ERBIN: variants seen among roughly 807,000 people sequenced by gnomAD.
ERBIN encodes the protein densin-180-like protein.
A neutral mutation model predicts 158.4 loss-of-function variants in ERBIN; 60 were observed. The ratio of observed to expected loss-of-function variants is 0.38; its 90% CI spans 0.31 to 0.47. The LOEUF is 0.47. ERBIN is among the 20% of genes least tolerant of loss of function. The probability of loss-of-function intolerance (pLI) is 0.99; values close to 1 mark genes in which losing one functional copy is unlikely to be tolerated. For synonymous variants in ERBIN, 594 were observed against 557.2 expected, an observed-to-expected ratio of 1.07 and a Z score of -0.93; for missense variants, 1,610 against 1,648.0, an observed-to-expected ratio of 0.98 and a Z score of 0.40.
In ERBIN at chr5:66,038,399, C is replaced by G; in HGVS notation, c.1223C>G (p.Pro408Arg). 6.2e-7 allele frequency: 1 copy of G among 1,611,126 alleles called. No homozygotes were observed. The highest frequency in any genetic ancestry group is 8.5e-7 in the Non-Finnish European group (1 of 1,178,110). The change falls in exon 15 of 26, where the codon CCT becomes CGT. Residue 408 changes from proline to arginine, a missense_variant. Physicochemically the swap from Pro to Arg is moderately radical, Grantham distance 103. Transcript: ENST00000284037. ...CTTCTCTAGTCCAAACCCCTGATAC[C>G]TCTTCAAAAAGAAACTGATTCAGAG... is the stretch of plus-strand genomic sequence containing the variant. The part of the protein sequence containing the change: ...LSDNQSKPLI[P>R]LQKETDSETQ...
intron 1 of ERBIN, among the ~76,000 whole-genome samples, chr5:65,930,705 A>G (rs116271868): frequency 0.021 from 3,212 of 152,224 alleles, 118 homozygotes; most frequent in African/African-American, 0.072. Flanking sequence ...ATTTATTCTT[A>G]TGTATTAAGA....
At chr5:65,998,430 A>C (rs1345910501) in intron 4 of ERBIN, among the ~76,000 whole-genome samples, 1 of 151,820 alleles carries the variant, frequency 6.6e-6, no homozygotes, top group Non-Finnish European at 1.5e-5. Flanking sequence ...ACTGACGTTC[A>C]GTTCACAATA....
At chr5:66,031,201 C>T (rs990331338) in intron 14 of ERBIN, among the ~76,000 whole-genome samples, 3 of 152,104 alleles carry the variant, frequency 2.0e-5, no homozygotes, top group African/African-American at 4.8e-5. Context: ...GTAAATTGTT[C>T]TACTATTTAA....
intron 1 of ERBIN, among the ~76,000 whole-genome samples, chr5:65,965,382 G>GTTGTTTTTTTTTTT (rs1748463429): frequency 1.0e-5 from 1 of 96,072 alleles, no homozygotes; most frequent in Non-Finnish European, 2.1e-5. Flanking sequence ...GTTTTTTGTT[G>GTTGTTTTTTTTTTT]TTTTTTTTTT....
In ERBIN at chr5:66,048,653, C is replaced by A; in HGVS notation, c.1789-14C>A. On this transcript the variant is annotated splice_polypyrimidine_tract_variant and intron_variant, in intron 18 of 25. Transcript: ENST00000284037. The stretch of plus-strand genomic sequence containing the variant: ...AAAATTTAATTTTTATCCCCCTCAC[C>A]CCCTTTTCACTAGGAATCTGAAGAA... The A allele has an allele frequency of 6.6e-7, 1 of 1,524,662 alleles. No individual in the cohort carries two copies. Among genetic ancestry groups the A allele is most frequent in the Non-Finnish European group, 9.0e-7 (1 of 1,106,070 alleles). 94.4% of individuals were successfully genotyped at this position (1,524,662 alleles called of 1,614,324 possible). A position where few individuals can be genotyped will look rare whatever the true frequency, so the allele number is the denominator to read the frequency against.
At chr5:66,045,446 T>C (rs1758338622) in intron 17 of ERBIN, among the ~76,000 whole-genome samples, 1 of 146,192 alleles carries the variant, frequency 6.8e-6, no homozygotes, top group South Asian at 2.1e-4. Context: ...TATGTATATG[T>C]ATGTATATAC....
intron 10 of ERBIN, among the ~76,000 whole-genome samples, chr5:66,024,823 C>A (rs1453226249): frequency 6.6e-6 from 1 of 151,970 alleles, no homozygotes; most frequent in Non-Finnish European, 1.5e-5. Flanking sequence ...CATGAGAGAT[C>A]TATGATTGAG....
intron 21 of ERBIN, among the ~76,000 whole-genome samples, chr5:66,057,433 T>C (rs1580490900): frequency 6.6e-6 from 1 of 152,326 alleles, no homozygotes; most frequent in East Asian, 1.9e-4. Flanking sequence ...AGTTATTTTT[T>C]TAAAACAGCA....
chr5:66,005,073 TTA>T (rs1355759603), intron 4 of ERBIN, among the ~76,000 whole-genome samples: 3 of 151,654 alleles, frequency 2.0e-5, no homozygotes, highest in Non-Finnish European at 4.4e-5. Flanking sequence ...GTGTTTAAGT[TTA>T]ATCTGTCTAT....
chr5:66,052,445 T>A (rs936273317), intron 20 of ERBIN, among the ~76,000 whole-genome samples: 4 of 152,204 alleles, frequency 2.6e-5, no homozygotes, highest in African/African-American at 9.7e-5. Context: ...AGCTGCTGTT[T>A]AAAATACTAA....
intron 20 of ERBIN, among the ~76,000 whole-genome samples, chr5:66,052,324 G>T (rs1334126402): frequency 6.6e-6 from 1 of 151,958 alleles, no homozygotes; most frequent in Middle Eastern, 3.2e-3. Flanking sequence ...ATATATTAAT[G>T]CGTGTTGTTG....
intron 8 of ERBIN, 139 bp from the exon 9 acceptor site, chr5:66,023,151 A>T (rs531539541): frequency 3.1e-6 from 2 of 635,208 alleles, no homozygotes; most frequent in Non-Finnish European, 5.5e-6. Context: ...CTTCTTTTTT[A>T]TTTTTCCTTC....
chr5:65,937,014 A>G (rs1744171839), intron 1 of ERBIN, among the ~76,000 whole-genome samples: 2 of 152,216 alleles, frequency 1.3e-5, no homozygotes, highest in Admixed American at 1.3e-4. Context: ...AGTATGTAAG[A>G]ACATAAGTTT....
chr5:65,939,659 G>T (rs1380572022), intron 1 of ERBIN, among the ~76,000 whole-genome samples: 2 of 65,390 alleles, frequency 3.1e-5, no homozygotes, highest in Non-Finnish European at 1.1e-4. Context: ...TGATTCTCCT[G>T]CCTCAGCCTG....
intron 1 of ERBIN, among the ~76,000 whole-genome samples, chr5:65,985,787 T>G (rs780614586): frequency 2.6e-5 from 4 of 152,212 alleles, no homozygotes; most frequent in Non-Finnish European, 5.9e-5. Flanking sequence ...AGTTCTTCTG[T>G]TCTTTCTTGA....
intron 1 of ERBIN, among the ~76,000 whole-genome samples, chr5:65,934,450 T>C (rs1029311450): frequency 6.6e-6 from 1 of 152,210 alleles, no homozygotes; most frequent in Non-Finnish European, 1.5e-5. Flanking sequence ...CTTGACACTT[T>C]TGAAGATCTG....
At chr5:66,045,311 C>T (rs188373273) in intron 17 of ERBIN, among the ~76,000 whole-genome samples, 2 of 152,184 alleles carry the variant, frequency 1.3e-5, no homozygotes, top group East Asian at 3.9e-4. Context: ...TGTTTGCATA[C>T]ACAAATACTT....
chr5:65,958,384 G>C (rs912035200), intron 1 of ERBIN, among the ~76,000 whole-genome samples: 1 of 137,626 alleles, frequency 7.3e-6, no homozygotes, highest in Non-Finnish European at 1.6e-5. Flanking sequence ...CTCGGGAGGC[G>C]GAGGCTGGCA....
At chr5:66,058,002 C>A (rs1388740202) in intron 21 of ERBIN, among the ~76,000 whole-genome samples, 1 of 152,008 alleles carries the variant, frequency 6.6e-6, no homozygotes, top group Non-Finnish European at 1.5e-5. Context: ...CATACGTGTG[C>A]ATGTGTCTTA....
Sources: gnomAD v4.1 joint callset for allele counts (sites outside exome capture counted in the v4.1 genomes callset) on GRCh38, gnomAD v4.1.1 for gene constraint, MANE v1.5 for transcripts, NCBI Gene and HGNC (gene_info 2026-07-23, HGNC 2026-07-21) for gene names.